Variants in ANXA10 observed in about 807,000 individuals in gnomAD.
The protein encoded by ANXA10 is annexin 14.
ANXA10 carries 49 observed loss-of-function variants against 53.5 expected under a neutral mutation model. The ratio of observed to expected loss-of-function variants is 0.92; its 90% CI spans 0.73 to 1.16. The LOEUF (loss-of-function observed/expected upper bound fraction) is 1.16, where lower values mean the gene tolerates loss of function less well. ANXA10 is among the 50% of genes most tolerant of loss of function. ANXA10 has a pLI of 0.00. For missense variants in ANXA10, 393 were observed against 394.4 expected, an observed-to-expected ratio of 1.00 and a Z score of 0.03; for synonymous variants, 131 against 128.9, an observed-to-expected ratio of 1.02 and a Z score of -0.11.
At chr4:168,093,908 T>G (rs1037897708) in intron 1 of ANXA10, among the ~76,000 whole-genome samples, 1 of 152,276 alleles carries the variant, frequency 6.6e-6, no homozygotes, top group Admixed American at 6.5e-5. Context: ...GATTTCAAGA[T>G]CTCATTTTGC....
chr4:168,138,122 C>T (rs559238660), intron 2 of ANXA10, among the ~76,000 whole-genome samples: 19 of 151,948 alleles, frequency 1.3e-4, no homozygotes, highest in South Asian at 6.3e-4. Context: ...CCACCACACC[C>T]GGCTAATTTT....
At chr4:168,176,410 T>C (rs555281293) in intron 6 of ANXA10, among the ~76,000 whole-genome samples, 1 of 152,042 alleles carries the variant, frequency 6.6e-6, no homozygotes, top group African/African-American at 2.4e-5. Context: ...AGCTGAAGAC[T>C]CCCCCAAAGG....
intron 2 of ANXA10, among the ~76,000 whole-genome samples, chr4:168,131,560 A>G (rs1731157331): frequency 6.6e-6 from 1 of 152,030 alleles, no homozygotes; most frequent in Non-Finnish European, 1.5e-5. Context: ...AATTACTTAT[A>G]GAGTAATTGA....
chr4:168,135,982 T>C lies in ANXA10; in HGVS notation c.101-3504T>C, dbSNP rs182218314. Among the ~76,000 whole-genome samples the C allele has an allele frequency of 2.3e-3, 350 of 152,230 alleles. 1 individual carries two copies. Among genetic ancestry groups the C allele is most frequent in the Non-Finnish European group, 3.9e-3 (267 of 68,018 alleles). On this transcript the variant is annotated intron_variant, in intron 2 of 11. Coordinates refer to ENST00000359299, the MANE Select transcript of ANXA10 (RefSeq NM_007193.5). ...GGAGACCTCAGGAAACTTACAATCATGGCAGAAGGCAAAGGGGAAGCAGGC... is the reference window on the plus strand; with the variant it reads ...GGAGACCTCAGGAAACTTACAATCACGGCAGAAGGCAAAGGGGAAGCAGGC...
chr4:168,124,964 T>C (rs1731044588), intron 1 of ANXA10, among the ~76,000 whole-genome samples: 1 of 152,068 alleles, frequency 6.6e-6, no homozygotes, highest in Non-Finnish European at 1.5e-5. Flanking sequence ...AGAAGGCAAA[T>C]TACATGAAAA....
At chr4:168,173,602 T>C (rs73862575) in intron 6 of ANXA10, among the ~76,000 whole-genome samples, 1,693 of 152,260 alleles carry the variant, frequency 0.011, 31 homozygotes, top group African/African-American at 0.037. Context: ...GCAGTGGTGA[T>C]AAGTGCCCAG....
At position 168,164,192 on chromosome 4, in the gene ANXA10, C is replaced by T. The variant is rs1322807518; in HGVS notation, c.310-6C>T. On this transcript the variant is annotated splice_region_variant and splice_polypyrimidine_tract_variant and intron_variant, in intron 4 of 11. Coordinates refer to ENST00000359299, the MANE Select transcript of ANXA10 (RefSeq NM_007193.5). The stretch of plus-strand genomic sequence containing the variant: ...CTTACATTTATCTCTTTTTTCCTTT[C>T]TCTAGGGAGTAGGCACTGATGAGAA... 2 of 1,590,788 alleles carry T rather than the reference C, an allele frequency of 1.3e-6. No individual in the cohort carries two copies. The highest frequency in any genetic ancestry group is 8.6e-7 in the Non-Finnish European group (1 of 1,162,026).
intron 6 of ANXA10, among the ~76,000 whole-genome samples, chr4:168,171,278 T>C (rs1314212415): frequency 6.6e-6 from 1 of 152,146 alleles, no homozygotes; most frequent in Non-Finnish European, 1.5e-5. Flanking sequence ...ATCAAATCTC[T>C]CCCATCAGTT....
chr4:168,182,763 C>T (rs1301990686), intron 10 of ANXA10, among the ~76,000 whole-genome samples: 1 of 150,336 alleles, frequency 6.7e-6, no homozygotes, highest in Non-Finnish European at 1.5e-5. Flanking sequence ...GTAATCCCAG[C>T]ACTTTGGGAG....
intron 1 of ANXA10, among the ~76,000 whole-genome samples, chr4:168,094,443 C>A (rs1730511183): frequency 6.6e-6 from 1 of 152,014 alleles, no homozygotes; most frequent in Non-Finnish European, 1.5e-5. Context: ...AGGTATATGA[C>A]CCCAGTGGTC....
intron 6 of ANXA10, among the ~76,000 whole-genome samples, chr4:168,175,168 T>C (rs1040624787): frequency 3.3e-5 from 5 of 152,040 alleles, no homozygotes; most frequent in African/African-American, 4.8e-5. Flanking sequence ...ATGAAATAGA[T>C]TGCAGGATCC....
chr4:168,180,194 A>G (rs1283251943), intron 9 of ANXA10, among the ~76,000 whole-genome samples: 1 of 152,222 alleles, frequency 6.6e-6, no homozygotes, highest in South Asian at 2.1e-4. Context: ...ATAGTATGCA[A>G]TAGATGACTA....
At chr4:168,174,187 G>C (rs1450114293) in intron 6 of ANXA10, among the ~76,000 whole-genome samples, 1 of 152,108 alleles carries the variant, frequency 6.6e-6, no homozygotes, top group Non-Finnish European at 1.5e-5. Flanking sequence ...CTGTAGCCCT[G>C]TAGCACTCCC....
intron 9 of ANXA10, among the ~76,000 whole-genome samples, chr4:168,180,203 T>C (rs1474427690): frequency 6.6e-6 from 1 of 152,184 alleles, no homozygotes; most frequent in African/African-American, 2.4e-5. Context: ...AATAGATGAC[T>C]ATTAATAACT....
Position 168,162,519 on chromosome 4 carries a change from C to T in ANXA10, c.196-9C>T, listed in dbSNP as rs760581323. On this transcript the variant is annotated splice_polypyrimidine_tract_variant and intron_variant, in intron 3 of 11. Coordinates refer to ENST00000359299, the MANE Select transcript of ANXA10 (RefSeq NM_007193.5). ...CATATAATAAATATATGTACTTTTT[C>T]CTCCACAGGACCTGATTGGGGATAT... The T allele has an allele frequency of 1.2e-6, 2 of 1,602,238 alleles. No homozygotes were observed. The highest frequency in any genetic ancestry group is 1.7e-6 in the Non-Finnish European group (2 of 1,170,356).
intron 1 of ANXA10, among the ~76,000 whole-genome samples, chr4:168,108,049 A>G (rs1482418064): frequency 6.6e-6 from 1 of 152,198 alleles, no homozygotes; most frequent in Non-Finnish European, 1.5e-5. Context: ...TAGACCATAT[A>G]GGGTAACTTC....
intron 2 of ANXA10, 95 bp downstream of exon 2, chr4:168,128,260 T>C: frequency 1.4e-6 from 1 of 717,928 alleles, no homozygotes; most frequent in Non-Finnish European, 2.1e-6. Flanking sequence ...GTTGATGTCT[T>C]ACAAAACACA....
intron 2 of ANXA10, among the ~76,000 whole-genome samples, chr4:168,135,524 A>G (rs944088532): frequency 6.6e-6 from 1 of 152,198 alleles, no homozygotes; most frequent in Non-Finnish European, 1.5e-5. Flanking sequence ...ATTTTAGTCA[A>G]GCTAAGGGAA....
intron 1 of ANXA10, among the ~76,000 whole-genome samples, chr4:168,112,566 A>C (rs1449959429): frequency 6.6e-6 from 1 of 152,114 alleles, no homozygotes; most frequent in Admixed American, 6.5e-5. Flanking sequence ...TTAATACATT[A>C]ATTATATATT....
Sources: allele counts gnomAD v4.1 joint callset (sites outside exome capture counted in the v4.1 genomes callset), GRCh38; gene constraint gnomAD v4.1.1; transcripts MANE v1.5; gene names NCBI Gene and HGNC (gene_info 2026-07-23, HGNC 2026-07-21).